The following ASCC1 variants were observed in gnomAD, a reference collection of about 807,000 sequenced individuals.
ASCC1 encodes ASC-1 complex subunit P50.
Under a neutral mutation model 46.6 loss-of-function variants are expected in ASCC1, and 35 were observed. That is an observed-to-expected ratio of 0.75 (90% CI 0.57 to 0.99). ASCC1 has a LOEUF of 0.99. ASCC1 is among the 50% of genes least tolerant of loss of function. The probability of loss-of-function intolerance (pLI) is 0.00; values close to 1 mark genes in which losing one functional copy is unlikely to be tolerated. For synonymous variants in ASCC1, 143 were observed against 146.6 expected (o/e 0.98, Z 0.18); for missense variants, 376 against 428.7 (o/e 0.88, Z 1.09).
chr10:72,119,730 A>C (rs1305115412), intron 9 of ASCC1, among the ~76,000 whole-genome samples: 5 of 152,138 alleles, frequency 3.3e-5, no homozygotes, highest in Admixed American at 6.5e-5. Context: ...AAAAAAAAAA[A>C]ACCAACACAA....
chr10:72,131,279 C>T (rs1430196024), intron 8 of ASCC1, among the ~76,000 whole-genome samples: 9 of 152,024 alleles, frequency 5.9e-5, no homozygotes, highest in South Asian at 2.1e-4. Context: ...ATTAGCTGAG[C>T]GCGGTGGCAG....
At chr10:72,141,180 C>G (rs529387105) in intron 7 of ASCC1, among the ~76,000 whole-genome samples, 5 of 151,972 alleles carry the variant, frequency 3.3e-5, no homozygotes, top group Admixed American at 3.3e-4. Flanking sequence ...CCACAAATAA[C>G]GACTGGTAAA....
Position 72,096,925 on chromosome 10 carries a change from T to G in ASCC1, c.*409A>C. On this transcript the variant is annotated 3_prime_UTR_variant, in exon 10 of 10. Transcript: ENST00000672957. ...GGCTGGGAGGAGTGGGAATTACTGT[T>G]TAATGGGTACAGTTTCCATTTTACA... 1 of 454,204 alleles carries G rather than the reference T, an allele frequency of 2.2e-6. No homozygotes were observed. The highest frequency in any genetic ancestry group is 1.6e-5 in the South Asian group (1 of 64,476). The allele number at this position is 454,204 out of a possible 1,614,324, so 28.1% of individuals were successfully genotyped here.
intron 5 of ASCC1, among the ~76,000 whole-genome samples, chr10:72,170,469 G>A (rs371404829): frequency 3.6e-4 from 55 of 152,022 alleles, no homozygotes; most frequent in African/African-American, 1.0e-3. Context: ...ACAAAGAGCC[G>A]GCGTGGCACC....
rs538071679 is a variant in ASCC1, at chr10:72,100,172, T to C, written c.958-2722A>G. 2.6e-5 allele frequency among the ~76,000 whole-genome samples: 4 copies of C among 152,296 alleles called. No individual in the cohort carries two copies. The South Asian group carries it at 8.3e-4, about 32-fold the overall frequency. On this transcript the variant is annotated intron_variant, in intron 9 of 9. Transcript: ENST00000672957. ...CTTGTCCTCTATGTTTATGATTTAG[T>C]AACAGATAATTTACTAGCAATTTTT...
At position 72,154,065 on chromosome 10, in the gene ASCC1, C is replaced by G. The variant is rs554411642; in HGVS notation, c.627-1077G>C. ...GCAATCTGTCAATATTTATGAGAAGCCTTCATCAATAAAAACCCTTTCCCC... is the reference window on the plus strand; with the variant it reads ...GCAATCTGTCAATATTTATGAGAAGGCTTCATCAATAAAAACCCTTTCCCC... On this transcript the variant is annotated intron_variant, in intron 6 of 9. Coordinates refer to ENST00000672957, the MANE Select transcript of ASCC1 (RefSeq NM_001198800.3). Among the ~76,000 whole-genome samples the G allele has an allele frequency of 4.6e-5, 7 of 152,266 alleles. No individual in the cohort carries two copies. The South Asian group carries it at 1.5e-3, about 32-fold the overall frequency.
At chr10:72,131,301 C>T (rs779398259) in intron 8 of ASCC1, among the ~76,000 whole-genome samples, 51 of 152,120 alleles carry the variant, frequency 3.4e-4, no homozygotes, top group Non-Finnish European at 1.6e-4. Flanking sequence ...TGCCTGTAAT[C>T]CCAGCTACTC....
intron 9 of ASCC1, among the ~76,000 whole-genome samples, chr10:72,127,608 T>G (rs183568125): frequency 2.6e-5 from 4 of 151,518 alleles, no homozygotes; most frequent in Admixed American, 2.6e-4. Context: ...GAGTAAAACT[T>G]AGGTTGAAAT....
In ASCC1 at chr10:72,105,563, C is replaced by T. The variant is rs145593658; in HGVS notation, c.958-8113G>A. 9.1e-3 allele frequency among the ~76,000 whole-genome samples: 1,383 copies of T among 152,226 alleles called. 17 individuals carry two copies. The highest frequency in any genetic ancestry group is 0.032 in the African/African-American group (1,319 of 41,500). The stretch of plus-strand genomic sequence containing the variant: ...ACCAAGTAAAGAGAGAAATGTAGAC[C>T]TTTGATGAAAGGTTTTTGGTCAAAA... On this transcript the variant is annotated intron_variant, in intron 9 of 9. Coordinates refer to ENST00000672957, the MANE Select transcript of ASCC1 (RefSeq NM_001198800.3).
intron 9 of ASCC1, among the ~76,000 whole-genome samples, chr10:72,124,556 A>G (rs1193911722): frequency 6.6e-6 from 1 of 152,156 alleles, no homozygotes; most frequent in Non-Finnish European, 1.5e-5. Context: ...TCTATTGCTT[A>G]AGACCCCAAA....
At position 72,102,480 on chromosome 10, in the gene ASCC1, T is replaced by C. The variant is rs368428605; in HGVS notation, c.958-5030A>G. The stretch of plus-strand genomic sequence containing the variant: ...TATGAGCGTCCCTCCTTTTATTGAG[T>C]TGTAGTTCTTTTTATACTAGGGAAA... On this transcript the variant is annotated intron_variant, in intron 9 of 9. Transcript: ENST00000672957. The C allele has an allele frequency of 8.7e-6, 11 of 1,270,898 alleles. 2 individuals are homozygous for C. In the African/African-American group the frequency reaches 1.2e-4, roughly 14 times the overall value. The allele number at this position is 1,270,898 out of a possible 1,614,324, so 78.7% of individuals were successfully genotyped here.
At chr10:72,213,357 C>T (rs1858461843) in intron 1 of ASCC1, 26 bp from the exon 2 acceptor site, 2 of 1,280,178 alleles carry the variant, frequency 1.6e-6, no homozygotes, top group African/African-American at 1.5e-5. Flanking sequence ...ACCATCTTAC[C>T]TTTCTTAGTG....
At chr10:72,187,719 C>CAAAAAAA (rs761851091) in intron 5 of ASCC1, among the ~76,000 whole-genome samples, 3 of 35,214 alleles carry the variant, frequency 8.5e-5, no homozygotes, top group African/African-American at 3.3e-4. Context: ...GAATCCGTCT[C>CAAAAAAA]AAAAAAAAAA....
chr10:72,195,139 G>GTTTTTTTTT (rs142672810), intron 5 of ASCC1, among the ~76,000 whole-genome samples: 7 of 61,034 alleles, frequency 1.1e-4, no homozygotes, highest in Non-Finnish European at 1.2e-4. Context: ...TTTTTGCTGT[G>GTTTTTTTTT]TTTTTTTTTT....
At chr10:72,138,600 C>CTTTTTTTTTTT (rs1011535460) in intron 7 of ASCC1, among the ~76,000 whole-genome samples, 22 of 104,532 alleles carry the variant, frequency 2.1e-4, no homozygotes, top group African/African-American at 3.5e-4. Context: ...TTCTTTCTTT[C>CTTTTTTTTTTT]TTTTTTTTTT....
Position 72,141,417 on chromosome 10 carries a change from G to A in ASCC1, c.747-8236C>T, listed in dbSNP as rs193180515. 2.5e-3 allele frequency among the ~76,000 whole-genome samples: 384 copies of A among 152,098 alleles called. 2 individuals are homozygous for A. The highest frequency in any genetic ancestry group is 8.8e-3 in the African/African-American group (364 of 41,480). On this transcript the variant is annotated intron_variant, in intron 7 of 9. Transcript: ENST00000672957. The stretch of plus-strand genomic sequence containing the variant: ...GATTTTGATGACCATTTAGACTGCC[G>A]CCAGTATTTACTGTTATATACAATA...
At chr10:72,189,936 C>T in intron 5 of ASCC1, 1 of 728,254 alleles carries the variant, frequency 1.4e-6, no homozygotes, top group African/African-American at 1.7e-5. Context: ...ATCAGGTAAG[C>T]CAAGACAAGT....
intron 5 of ASCC1, among the ~76,000 whole-genome samples, chr10:72,194,130 C>T (rs771975174): frequency 2.6e-5 from 4 of 151,864 alleles, no homozygotes; most frequent in Non-Finnish European, 4.4e-5. Flanking sequence ...GTGATCTGCC[C>T]GCCTCAGCCT....
intron 3 of ASCC1, among the ~76,000 whole-genome samples, chr10:72,209,182 G>C (rs1056829544): frequency 2.6e-5 from 4 of 150,996 alleles, no homozygotes; most frequent in African/African-American, 9.8e-5. Flanking sequence ...AAAAAAAAGA[G>C]ATATTTAAAA....
Sources: allele counts gnomAD v4.1 joint callset (sites outside exome capture counted in the v4.1 genomes callset), GRCh38; gene constraint gnomAD v4.1.1; transcripts MANE v1.5; gene names NCBI Gene and HGNC (gene_info 2026-07-23, HGNC 2026-07-21).